Variants in TMEM117 observed in about 807,000 individuals in gnomAD.
The protein encoded by TMEM117 is transmembrane protein 117.
A neutral mutation model predicts 52.4 loss-of-function variants in TMEM117; 27 were observed. The ratio of observed to expected loss-of-function variants is 0.51; its 90% CI spans 0.38 to 0.71. The LOEUF (loss-of-function observed/expected upper bound fraction) is 0.71. Ranked by LOEUF, TMEM117 falls within the 30% of genes least tolerant of loss-of-function variation. TMEM117 has a pLI of 0.00. For synonymous variants in TMEM117, 215 were observed against 206.3 expected, an observed-to-expected ratio of 1.04 and a Z score of -0.36; for missense variants, 556 against 630.5, an observed-to-expected ratio of 0.88 and a Z score of 1.26.
At chr12:43,803,547 A>G in the TMEM117 span, among the ~76,000 whole-genome samples, 1 of 152,168 alleles carries the variant, frequency 6.6e-6, no homozygotes, top group African/African-American at 2.4e-5. Flanking sequence ...ACCAGAAAAT[A>G]ATAACTTAGG....
chr12:44,361,416 A>G (rs371662116), intron 6 of TMEM117, among the ~76,000 whole-genome samples: 1 of 152,136 alleles, frequency 6.6e-6, no homozygotes. Flanking sequence ...TATTACTAAT[A>G]CAATGCTTCC....
chr12:44,155,089 CT>C (rs1287798886), intron 4 of TMEM117, among the ~76,000 whole-genome samples: 2 of 151,996 alleles, frequency 1.3e-5, no homozygotes, highest in African/African-American at 4.8e-5. Flanking sequence ...ATTCAGCCAC[CT>C]TTTTGCAACA....
chr12:44,030,019 T>C (rs1279341675), intron 3 of TMEM117, among the ~76,000 whole-genome samples: 1 of 151,620 alleles, frequency 6.6e-6, no homozygotes, highest in African/African-American at 2.4e-5. Flanking sequence ...TATGTATATG[T>C]ATATATGTTG....
chr12:44,135,508 A>G (rs1440690705), intron 3 of TMEM117, among the ~76,000 whole-genome samples: 2 of 152,192 alleles, frequency 1.3e-5, no homozygotes, highest in Admixed American at 6.5e-5. Flanking sequence ...TCCCTTCCCC[A>G]TATCACTGGA....
At chr12:44,361,019 A>G (rs117447371) in intron 6 of TMEM117, among the ~76,000 whole-genome samples, 7,792 of 152,186 alleles carry the variant, frequency 0.051, 196 homozygotes, top group Admixed American at 0.059. Flanking sequence ...TGCATTTTCT[A>G]TTTCACCACA....
intron 3 of TMEM117, among the ~76,000 whole-genome samples, chr12:44,068,114 C>T (rs1264083497): frequency 6.6e-6 from 1 of 152,150 alleles, no homozygotes; most frequent in African/African-American, 2.4e-5. Context: ...TCACTTTTTT[C>T]AGCCTTCACA....
rs535164447 is a variant in TMEM117 at position 44,340,310 on chromosome 12, A to G, written c.769-36285A>G. 8.7e-4 allele frequency among the ~76,000 whole-genome samples: 132 copies of G among 152,278 alleles called. 1 individual carries two copies. The highest frequency in any genetic ancestry group is 1.7e-3 in the Non-Finnish European group (118 of 68,004). ...AAGTTGATTAATATAAATGGCTAAT[A>G]CATTTCCCAAGAAAGGCTCAACCTC... On this transcript the variant is annotated intron_variant, in intron 6 of 7. Coordinates refer to ENST00000266534, the MANE Select transcript of TMEM117 (RefSeq NM_032256.3).
intron 3 of TMEM117, among the ~76,000 whole-genome samples, chr12:44,082,398 C>T (rs963717010): frequency 6.6e-6 from 1 of 151,852 alleles, no homozygotes; most frequent in African/African-American, 2.4e-5. Context: ...CTACTGTTTT[C>T]TATAGGTTTC....
At chr12:44,285,014 G>A (rs1472418420) in intron 5 of TMEM117, among the ~76,000 whole-genome samples, 1 of 152,174 alleles carries the variant, frequency 6.6e-6, no homozygotes, top group Non-Finnish European at 1.5e-5. Context: ...CTTTTTATAT[G>A]GAGATTGCCA....
intron 3 of TMEM117, among the ~76,000 whole-genome samples, chr12:44,063,723 T>C (rs1312967703): frequency 6.7e-6 from 1 of 150,342 alleles, no homozygotes; most frequent in Non-Finnish European, 1.5e-5. Flanking sequence ...CGACGTTTGG[T>C]ATTTTGTCCT....
At chr12:44,108,122 A>G (rs1165088303) in intron 3 of TMEM117, among the ~76,000 whole-genome samples, 1 of 152,202 alleles carries the variant, frequency 6.6e-6, no homozygotes, top group Non-Finnish European at 1.5e-5. Context: ...CACATCTGCT[A>G]AAGTGAATTT....
chr12:44,297,492 G>A (rs946170076), intron 5 of TMEM117, among the ~76,000 whole-genome samples: 4 of 152,058 alleles, frequency 2.6e-5, no homozygotes, highest in African/African-American at 9.7e-5. Context: ...AAGGAGGCTG[G>A]GGAGAAAAAG....
chr12:43,889,330 G>T (rs894640326), intron 2 of TMEM117, among the ~76,000 whole-genome samples: 3 of 152,098 alleles, frequency 2.0e-5, no homozygotes, highest in African/African-American at 7.2e-5. Context: ...TTATCCACCT[G>T]CTTTGGCCTC....
intron 3 of TMEM117, among the ~76,000 whole-genome samples, chr12:44,085,251 C>T (rs1053047038): frequency 4.0e-5 from 6 of 151,630 alleles, no homozygotes; most frequent in African/African-American, 1.5e-4. Context: ...GGTACTTTGT[C>T]TCATTTTTTT....
At chr12:44,205,464 T>C (rs1592604713) in intron 4 of TMEM117, among the ~76,000 whole-genome samples, 1 of 152,094 alleles carries the variant, frequency 6.6e-6, no homozygotes, top group African/African-American at 2.4e-5. Context: ...TGAGAACAGA[T>C]GAATACACTA....
chr12:43,821,633 T>A, the TMEM117 span, among the ~76,000 whole-genome samples: 1 of 152,170 alleles, frequency 6.6e-6, no homozygotes, highest in Non-Finnish European at 1.5e-5. Context: ...AATGCCTGAA[T>A]CTACTAAAGT....
intron 4 of TMEM117, among the ~76,000 whole-genome samples, chr12:44,204,908 G>A (rs1391096981): frequency 6.6e-6 from 1 of 151,868 alleles, no homozygotes; most frequent in African/African-American, 2.4e-5. Context: ...AACTCAAGAT[G>A]GATTAAAGAC....
chr12:44,049,163 C>T (rs1233651221), intron 3 of TMEM117, among the ~76,000 whole-genome samples: 1 of 152,090 alleles, frequency 6.6e-6, no homozygotes, highest in African/African-American at 2.4e-5. Flanking sequence ...CAGAACCAAC[C>T]CAAATGCCCA....
chr12:43,938,641 GCCTTTAGTTAAA>G (rs1272227129), intron 2 of TMEM117, among the ~76,000 whole-genome samples: 1 of 152,132 alleles, frequency 6.6e-6, no homozygotes, highest in Non-Finnish European at 1.5e-5. Flanking sequence ...GTCATTCTAT[GCCTTTAGTTAAA>G]CTAGTTCTAC....
Sources: gnomAD v4.1 joint callset for allele counts (sites outside exome capture counted in the v4.1 genomes callset) on GRCh38, gnomAD v4.1.1 for gene constraint, MANE v1.5 for transcripts, NCBI Gene and HGNC (gene_info 2026-07-23, HGNC 2026-07-21) for gene names.